The following MTERF4 variants were observed in gnomAD, a reference collection of about 807,000 sequenced individuals.
MTERF4 encodes mitochondrial transcription termination factor 4, also known as transcription termination factor 4, mitochondrial.
Under a neutral mutation model 22.5 loss-of-function variants are expected in MTERF4, and 17 were observed. That is an observed-to-expected ratio of 0.75 (90% CI 0.52 to 1.13). MTERF4 has a LOEUF of 1.13. Among genes scored for constraint, MTERF4 ranks in the 50% most tolerant of loss-of-function variants. The pLI, the probability that MTERF4 is intolerant of heterozygous loss-of-function variation, is 0.00. For missense variants in MTERF4, 420 were observed against 466.8 expected, an observed-to-expected ratio of 0.90 and a Z score of 0.92; for synonymous variants, 165 against 175.3, an observed-to-expected ratio of 0.94 and a Z score of 0.47.
chr2:241,049,380 T>C, the MTERF4 span, among the ~76,000 whole-genome samples: 1 of 152,250 alleles, frequency 6.6e-6, no homozygotes, highest in African/African-American at 2.4e-5. Flanking sequence ...CCATGTGGTA[T>C]CTTACCTAAG....
downstream of MTERF4, chr2:241,067,967 G>A (rs199771962): frequency 9.9e-5 from 157 of 1,593,458 alleles, no homozygotes; most frequent in African/African-American, 1.4e-3. Flanking sequence ...GACACCCAGA[G>A]CATGGGGCTG....
chr2:241,069,832 G>T, downstream of MTERF4: 2 of 1,461,838 alleles, frequency 1.4e-6, no homozygotes, highest in Admixed American at 1.9e-5. The surrounding 1 kb of genome is among the most constrained non-coding windows in gnomAD (Gnocchi z 4.9). Context: ...GCAAGGCTGC[G>T]GCAGCCCATG....
At chr2:241,088,344 A>C, downstream of MTERF4, 1 of 1,588,456 alleles carries the variant, frequency 6.3e-7, no homozygotes, top group Non-Finnish European at 8.6e-7. Flanking sequence ...TCATTAAACG[A>C]CTTTTCTCTA....
downstream of MTERF4, chr2:241,091,623 G>T (rs1268993462): frequency 1.3e-5 from 2 of 152,194 alleles, no homozygotes; most frequent in Non-Finnish European, 2.9e-5. The surrounding 1 kb of genome is among the most constrained non-coding windows in gnomAD (Gnocchi z 4.1). Flanking sequence ...GCTTCACTTT[G>T]TTTTTTCTTC....
chr2:241,058,141 C>A, the MTERF4 span, among the ~76,000 whole-genome samples: 4 of 152,162 alleles, frequency 2.6e-5, no homozygotes, highest in Middle Eastern at 3.4e-3. Context: ...GGCGTATTAG[C>A]TATATTACTA....
intron 1 of MTERF4, chr2:241,101,154 T>C (rs2064687824): frequency 2.2e-6 from 1 of 464,988 alleles, no homozygotes; most frequent in South Asian, 1.6e-5. Flanking sequence ...GAAATAATTA[T>C]ACAACTCACC....
chr2:241,071,031 GA>G (rs1212646236), downstream of MTERF4, among the ~76,000 whole-genome samples: 1 of 152,218 alleles, frequency 6.6e-6, no homozygotes, highest in Non-Finnish European at 1.5e-5. Context: ...CAGCCAGGCA[GA>G]AGGGGCAGGC....
At chr2:241,071,459 C>T (rs1369574614), downstream of MTERF4, 4 of 1,230,020 alleles carry the variant, frequency 3.3e-6, no homozygotes, top group Admixed American at 2.1e-5. Context: ...CACGCACATG[C>T]CCCCCTTCCC....
At chr2:241,052,273 G>A in the MTERF4 span, 5 of 1,429,390 alleles carry the variant, frequency 3.5e-6, no homozygotes, top group Non-Finnish European at 4.9e-6. Flanking sequence ...AGGTGGAGCT[G>A]GGTGCAGGAG....
At chr2:241,059,415 T>C in the MTERF4 span, among the ~76,000 whole-genome samples, 5 of 152,206 alleles carry the variant, frequency 3.3e-5, no homozygotes, top group African/African-American at 9.7e-5. Flanking sequence ...CCAAACTCAA[T>C]TGATACCCAA....
At chr2:241,063,815 C>T in the MTERF4 span, 1 of 880,698 alleles carries the variant, frequency 1.1e-6, no homozygotes, top group Non-Finnish European at 1.7e-6. Context: ...GAGAGGGACC[C>T]CCAGGGCTGC....
the MTERF4 span, among the ~76,000 whole-genome samples, chr2:241,057,439 A>G: frequency 0.01 from 1,459 of 142,830 alleles, 16 homozygotes; most frequent in Non-Finnish European, 0.014. Context: ...CACACATATA[A>G]TGGGAGGTCA....
chr2:241,097,492 C>T, intron 2 of MTERF4, 65 bp from the exon 3 acceptor site: 1 of 1,481,888 alleles, frequency 6.7e-7, no homozygotes, highest in Non-Finnish European at 9.2e-7. Flanking sequence ...AAGGAGCTAG[C>T]TGCACCCAAT....
In MTERF4 at chr2:241,099,499, C is replaced by A. The variant is rs758124941; in HGVS notation, c.417G>T (p.Glu139Asp). 1 of 1,614,232 alleles carries A rather than the reference C, an allele frequency of 6.2e-7. No homozygotes were observed. Among genetic ancestry groups the A allele is most frequent in the South Asian group, 1.1e-5 (1 of 91,086 alleles). ...TTTTCTTCAAGACCACACACACAGG[C>A]TCTGGATTCAGACCCAAGAGAATAA... ...SEFILLGLNP[E>D]PVCVVLKKSP... The change falls in exon 2 of 4, where the codon GAG becomes GAT. Residue 139 changes from glutamate (E) to aspartate (D), a missense_variant. Glu to Asp is a conservative substitution (Grantham distance 45). Transcript: ENST00000391980.
chr2:241,043,569 C>A, the MTERF4 span, among the ~76,000 whole-genome samples: 1 of 151,936 alleles, frequency 6.6e-6, no homozygotes, highest in Non-Finnish European at 1.5e-5. Flanking sequence ...TCTGGATCTA[C>A]ACAAAAGAAT....
chr2:241,067,848 A>T, downstream of MTERF4: 1 of 1,613,430 alleles, frequency 6.2e-7, no homozygotes, highest in Non-Finnish European at 8.5e-7. Context: ...AGGATCCGCC[A>T]TGCCACCGTC....
chr2:241,063,909 C>A, the MTERF4 span: 1 of 928,224 alleles, frequency 1.1e-6, no homozygotes, highest in Non-Finnish European at 1.7e-6. Context: ...TCTCTCCTGG[C>A]CTCCGCCCCT....
Position 241,096,593 on chromosome 2 carries a change from G to T in MTERF4, c.706-155C>A. On this transcript the variant is annotated intron_variant, in intron 3 of 3. Transcript: ENST00000391980. This position sits in a 1 kb window ranked among gnomAD's most constrained non-coding sequence, Gnocchi z 5.1. ...CAGTCTAGGATACTGACATTTGTGT[G>T]ACAGCCAGCAGTTTCAAAACACTTT... 1.2e-6 allele frequency: 1 copy of T among 813,716 alleles called. No individual in the cohort carries two copies. Among genetic ancestry groups the T allele is most frequent in the Non-Finnish European group, 2.1e-6 (1 of 472,446 alleles). 50.4% of individuals were successfully genotyped at this position (813,716 alleles called of 1,614,324 possible).
intron 1 of MTERF4, among the ~76,000 whole-genome samples, chr2:241,101,922 G>A (rs1170024953): frequency 2.6e-5 from 4 of 152,088 alleles, no homozygotes; most frequent in Non-Finnish European, 4.4e-5. Context: ...GCATGGTGGC[G>A]GGCGCCTGTA....
Sources: gnomAD v4.1 joint callset for allele counts (sites outside exome capture counted in the v4.1 genomes callset) on GRCh38, gnomAD v4.1.1 for gene constraint, Gnocchi (gnomAD v3.1) non-coding constraint, MANE v1.5 for transcripts, NCBI Gene and HGNC (gene_info 2026-07-23, HGNC 2026-07-21) for gene names.